Variants in BCAS3 observed in about 807,000 individuals in gnomAD.
BCAS3 encodes BCAS4/BCAS3 fusion.
Under a neutral mutation model 116.1 loss-of-function variants are expected in BCAS3, and 53 were observed. That is an observed-to-expected ratio of 0.46 (90% CI 0.37 to 0.57). The LOEUF is 0.57. BCAS3 is among the 20% of genes least tolerant of loss of function. The pLI is 0.00. For synonymous variants in BCAS3, 391 were observed against 408.2 expected, an observed-to-expected ratio of 0.96 and a Z score of 0.51; for missense variants, 917 against 1,165.4, an observed-to-expected ratio of 0.79 and a Z score of 3.10.
intron 22 of BCAS3, among the ~76,000 whole-genome samples, chr17:61,290,206 T>A (rs1301224526): frequency 6.6e-6 from 1 of 152,222 alleles, no homozygotes; most frequent in Non-Finnish European, 1.5e-5. Context: ...TTTAAGCAGC[T>A]GCACCCATGT....
intron 22 of BCAS3, among the ~76,000 whole-genome samples, chr17:61,274,114 C>G (rs1414623183): frequency 6.6e-6 from 1 of 151,020 alleles, no homozygotes; most frequent in African/African-American, 2.4e-5. Flanking sequence ...CCCCACTCCC[C>G]CCACCCCACA....
intron 7 of BCAS3, among the ~76,000 whole-genome samples, chr17:60,830,422 G>A (rs2050814419): frequency 6.6e-6 from 1 of 152,126 alleles, no homozygotes; most frequent in South Asian, 2.1e-4. Context: ...ATGTCATCTA[G>A]ATCATGAAGG....
At chr17:60,766,831 G>A (rs537176954) in intron 6 of BCAS3, among the ~76,000 whole-genome samples, 1 of 152,216 alleles carries the variant, frequency 6.6e-6, no homozygotes, top group East Asian at 1.9e-4. Context: ...GGCGGGCCCT[G>A]TTGAGCTGCG....
chr17:60,848,490 C>T (rs76496692), intron 7 of BCAS3, among the ~76,000 whole-genome samples: 4,616 of 152,302 alleles, frequency 0.03, 181 homozygotes, highest in East Asian at 0.092. Context: ...GAATTTTCGA[C>T]ATATAAGAAT....
At chr17:61,245,860 G>A (rs7212729) in intron 22 of BCAS3, among the ~76,000 whole-genome samples, 134,293 of 152,228 alleles carry the variant, frequency 0.88, 59,371 homozygotes, top group African/African-American at 0.93. Context: ...CCTAGTGCAA[G>A]GTCAGGAAGG....
intron 14 of BCAS3, among the ~76,000 whole-genome samples, chr17:60,983,760 T>TG (rs2062958216): frequency 6.6e-6 from 1 of 152,222 alleles, no homozygotes; most frequent in Non-Finnish European, 1.5e-5. Flanking sequence ...TCACTGTGGC[T>TG]GGAACATAAA....
chr17:61,371,517 T>C (rs1253832749), intron 23 of BCAS3, among the ~76,000 whole-genome samples: 1 of 152,186 alleles, frequency 6.6e-6, no homozygotes, highest in Non-Finnish European at 1.5e-5. Flanking sequence ...TTGTCCAGCA[T>C]GGTGACTCTA....
rs570248904 is a variant in BCAS3, at chr17:61,171,565, A to G, written c.2425+87001A>G. Among the ~76,000 whole-genome samples the G allele has an allele frequency of 8.5e-5, 13 of 152,198 alleles. No individual in the cohort carries two copies. Among genetic ancestry groups the G allele is most frequent in the Non-Finnish European group, 1.3e-4 (9 of 68,030 alleles). On this transcript the variant is annotated intron_variant, in intron 22 of 23. Coordinates refer to ENST00000407086, the MANE Select transcript of BCAS3 (RefSeq NM_017679.5). This position sits in a 1 kb window ranked among gnomAD's most constrained non-coding sequence, Gnocchi z 4.1. ...CCCATAAAAATCTCACCTAAATATA[A>G]AGACATGAATAGGACAAAAGTAAAA...
chr17:60,929,263 A>G (rs1309270582), intron 13 of BCAS3, among the ~76,000 whole-genome samples: 1 of 152,154 alleles, frequency 6.6e-6, no homozygotes, highest in Non-Finnish European at 1.5e-5. Flanking sequence ...TATCTAAAAA[A>G]AATTTTAAAA....
chr17:61,163,490 A>G (rs1357312572), intron 22 of BCAS3, among the ~76,000 whole-genome samples: 1 of 151,972 alleles, frequency 6.6e-6, no homozygotes, highest in Non-Finnish European at 1.5e-5. Flanking sequence ...CTTCTCAACT[A>G]TTAGGAGATG....
At chr17:60,711,315 G>A (rs1342881566) in intron 5 of BCAS3, among the ~76,000 whole-genome samples, 2 of 152,200 alleles carry the variant, frequency 1.3e-5, no homozygotes, top group East Asian at 1.9e-4. Context: ...TTCCAAAGGC[G>A]TGGAGAAAGT....
At chr17:60,965,510 C>T (rs1181015922) in intron 14 of BCAS3, among the ~76,000 whole-genome samples, 8 of 152,234 alleles carry the variant, frequency 5.3e-5, no homozygotes, top group African/African-American at 1.9e-4. Flanking sequence ...CATGAGCCAC[C>T]ACGCCCGGCC....
rs146016810 is a variant in BCAS3 at position 60,927,760 on chromosome 17, T to C, written c.1087+3260T>C. Among the ~76,000 whole-genome samples, 70 of 152,288 alleles carry C rather than the reference T, an allele frequency of 4.6e-4. 1 individual carries two copies. In the East Asian group the frequency reaches 0.012, roughly 26 times the overall value. ...AATTAGTTAACTGTACCTGTAAACT[T>C]GTGAGTGATGAAAATAATGGTTATT... On this transcript the variant is annotated intron_variant, in intron 13 of 23. Transcript: ENST00000407086.
intron 4 of BCAS3, among the ~76,000 whole-genome samples, chr17:60,701,772 C>T (rs1326994302): frequency 7.5e-6 from 1 of 132,856 alleles, no homozygotes; most frequent in African/African-American, 2.8e-5. Flanking sequence ...CTAGCCTGGC[C>T]AATGTGGTGA....
chr17:61,299,113 G>A (rs562187674), intron 22 of BCAS3, among the ~76,000 whole-genome samples: 240 of 151,062 alleles, frequency 1.6e-3, no homozygotes, highest in Admixed American at 4.0e-3. Flanking sequence ...ATGAGCCACC[G>A]TGCCTGGCCT....
Position 61,034,534 on chromosome 17 carries a change from T to C in BCAS3, c.1638-132T>C. The C allele has an allele frequency of 1.3e-6, 1 of 749,642 alleles. No homozygotes were observed. Among genetic ancestry groups the C allele is most frequent in the Non-Finnish European group, 2.0e-6 (1 of 489,224 alleles). The allele number at this position is 749,642 out of a possible 1,614,324, so 46.4% of individuals were successfully genotyped here. A position where few individuals can be genotyped will look rare whatever the true frequency, so the allele number is the denominator to read the frequency against. On this transcript the variant is annotated intron_variant, in intron 16 of 23. Transcript: ENST00000407086. This position sits in a 1 kb window ranked among gnomAD's most constrained non-coding sequence, Gnocchi z 5.0. ...AACATAGTCTCACATCACCATTTAT[T>C]ACTTAAGGCAAAATGCATGTTCATA... is the stretch of plus-strand genomic sequence containing the variant.
chr17:61,242,766 T>C (rs1404642808), intron 22 of BCAS3, among the ~76,000 whole-genome samples: 2 of 152,216 alleles, frequency 1.3e-5, no homozygotes, highest in African/African-American at 2.4e-5. Context: ...GATCACAGCT[T>C]ATCACAGTTC....
At chr17:61,338,020 A>T (rs1024022039) in intron 22 of BCAS3, among the ~76,000 whole-genome samples, 23 of 152,224 alleles carry the variant, frequency 1.5e-4, no homozygotes, top group African/African-American at 5.5e-4. Flanking sequence ...ACTCAAAGTT[A>T]GGTCGAATGT....
intron 5 of BCAS3, among the ~76,000 whole-genome samples, chr17:60,723,806 C>T (rs2039516315): frequency 6.8e-6 from 1 of 146,812 alleles, no homozygotes; most frequent in Admixed American, 7.0e-5. Context: ...GCAACCTCTG[C>T]CTCCCAGGTT....
Sources: gnomAD v4.1 joint callset for allele counts (sites outside exome capture counted in the v4.1 genomes callset) on GRCh38, gnomAD v4.1.1 for gene constraint, Gnocchi (gnomAD v3.1) non-coding constraint, MANE v1.5 for transcripts, NCBI Gene and HGNC (gene_info 2026-07-23, HGNC 2026-07-21) for gene names.